Variants in AMBRA1 observed in about 807,000 individuals in gnomAD.
The protein encoded by AMBRA1 is autophagy and beclin 1 regulator 1, also known as activating molecule in BECN1-regulated autophagy protein 1.
Under a neutral mutation model 125.4 loss-of-function variants are expected in AMBRA1, and 47 were observed. The ratio of observed to expected loss-of-function variants is 0.37; its 90% CI spans 0.30 to 0.48. AMBRA1 has a LOEUF of 0.48. AMBRA1 is among the 20% of genes least tolerant of loss of function. The probability of loss-of-function intolerance (pLI) is 0.99; values close to 1 mark genes in which losing one functional copy is unlikely to be tolerated. For synonymous variants in AMBRA1, 626 were observed against 655.5 expected (o/e 0.95, Z 0.69); for missense variants, 1,331 against 1,693.4 (o/e 0.79, Z 3.76).
intron 1 of AMBRA1, among the ~76,000 whole-genome samples, chr11:46,555,482 T>C (rs944783855): frequency 3.9e-5 from 6 of 152,296 alleles, no homozygotes; most frequent in African/African-American, 1.2e-4. Flanking sequence ...GCTGTGGAAA[T>C]ATGAATCTTG....
chr11:46,444,355 A>AT (rs1254071474), intron 11 of AMBRA1, among the ~76,000 whole-genome samples: 2 of 152,088 alleles, frequency 1.3e-5, no homozygotes, highest in Non-Finnish European at 2.9e-5. Context: ...TCTGTATGAC[A>AT]TTTTTTTCCT....
At chr11:46,570,926 G>A (rs923373736) in intron 1 of AMBRA1, among the ~76,000 whole-genome samples, 1 of 152,066 alleles carries the variant, frequency 6.6e-6, no homozygotes, top group Non-Finnish European at 1.5e-5. Flanking sequence ...AAAAATAAAT[G>A]AACAAAAAAG....
chr11:46,466,127 T>G, intron 11 of AMBRA1, among the ~76,000 whole-genome samples: 1 of 152,214 alleles, frequency 6.6e-6, no homozygotes, highest in East Asian at 1.9e-4. Flanking sequence ...GGTAGTAAGA[T>G]GTACTTCTTG....
intron 11 of AMBRA1, among the ~76,000 whole-genome samples, chr11:46,462,906 A>C (rs1254420144): frequency 6.6e-6 from 1 of 152,030 alleles, no homozygotes; most frequent in Non-Finnish European, 1.5e-5. Context: ...GGCGTGCACC[A>C]CCATGTCTGG....
chr11:46,441,356 A>G (rs1391057277), intron 12 of AMBRA1, among the ~76,000 whole-genome samples: 3 of 152,138 alleles, frequency 2.0e-5, no homozygotes, highest in Non-Finnish European at 4.4e-5. Context: ...TCTGCTAAAA[A>G]TACAAAAATT....
intron 15 of AMBRA1, among the ~76,000 whole-genome samples, chr11:46,413,832 G>A (rs1946408723): frequency 6.6e-6 from 1 of 152,246 alleles, no homozygotes; most frequent in Admixed American, 6.5e-5. Context: ...CTGACTGTCT[G>A]TGAGCTAAAG....
chr11:46,473,862 C>T (rs1487329949), intron 11 of AMBRA1, among the ~76,000 whole-genome samples: 2 of 152,184 alleles, frequency 1.3e-5, no homozygotes, highest in African/African-American at 2.4e-5. Flanking sequence ...GTGTTAGCCA[C>T]GATGGTCTCG....
Position 46,548,470 on chromosome 11 carries a change from A to G in AMBRA1, c.-90T>C, listed in dbSNP as rs753897411. ...ACTGAAGCAGCTAAAATGAGGCCAT[A>G]CAGGTCCTTGTAAGTTGTCCTCATG... On this transcript the variant is annotated 5_prime_UTR_variant, in exon 2 of 18. Transcript: ENST00000683756. The G allele has an allele frequency of 2.6e-6, 4 of 1,521,800 alleles. No homozygotes were observed. Among genetic ancestry groups the G allele is most frequent in the Non-Finnish European group, 3.6e-6 (4 of 1,124,256 alleles). The allele number at this position is 1,521,800 out of a possible 1,614,324, so 94.3% of individuals were successfully genotyped here.
intron 14 of AMBRA1, chr11:46,428,562 G>C: frequency 8.7e-7 from 1 of 1,149,512 alleles, no homozygotes; most frequent in Non-Finnish European, 1.3e-6. Context: ...TAGGCAATGA[G>C]GATCTTTTCC....
At chr11:46,558,548 C>CAAA (rs58748629) in intron 1 of AMBRA1, among the ~76,000 whole-genome samples, 3 of 38,730 alleles carry the variant, frequency 7.7e-5, no homozygotes, top group Non-Finnish European at 1.6e-4. Flanking sequence ...GACTCCCTCT[C>CAAA]AAAAAAAAAA....
intron 7 of AMBRA1, among the ~76,000 whole-genome samples, chr11:46,515,452 G>A (rs1488227429): frequency 6.6e-6 from 1 of 151,908 alleles, no homozygotes; most frequent in Non-Finnish European, 1.5e-5. Flanking sequence ...CAGACTGGGT[G>A]ACAGAGTGAG....
chr11:46,401,728 T>C (rs1237566144), intron 17 of AMBRA1, among the ~76,000 whole-genome samples: 1 of 152,234 alleles, frequency 6.6e-6, no homozygotes, highest in Non-Finnish European at 1.5e-5. Flanking sequence ...TCTCTATGGC[T>C]ATGACTGTGT....
rs571699664 is a variant in AMBRA1 at position 46,486,666 on chromosome 11, G to A, written c.2521+6942C>T. ...CACACCTGTAATCCTAGCACTTTGGGAGGCCAAGGTGGGCGGATGACCTGA... is the reference window on the plus strand; with the variant it reads ...CACACCTGTAATCCTAGCACTTTGGAAGGCCAAGGTGGGCGGATGACCTGA... On this transcript the variant is annotated intron_variant, in intron 11 of 17. Coordinates refer to ENST00000683756, the MANE Select transcript of AMBRA1 (RefSeq NM_001387011.1). 2.6e-5 allele frequency among the ~76,000 whole-genome samples: 4 copies of A among 152,270 alleles called. No individual in the cohort carries two copies. In the South Asian group the frequency reaches 8.3e-4, roughly 32 times the overall value.
intron 11 of AMBRA1, among the ~76,000 whole-genome samples, chr11:46,451,080 A>AT (rs1415992324): frequency 6.6e-6 from 1 of 152,266 alleles, no homozygotes; most frequent in African/African-American, 2.4e-5. Flanking sequence ...GCAGCTGTTC[A>AT]TAAGGACAAT....
chr11:46,435,079 A>G (rs1396222770), intron 12 of AMBRA1, 42 bp from the exon 13 acceptor site: 1 of 1,510,686 alleles, frequency 6.6e-7, no homozygotes, highest in South Asian at 1.3e-5. Flanking sequence ...GAAACTTTGG[A>G]GTTGATACTG....
At chr11:46,497,979 G>C (rs1039069895) in intron 9 of AMBRA1, among the ~76,000 whole-genome samples, 2 of 152,184 alleles carry the variant, frequency 1.3e-5, no homozygotes, top group Non-Finnish European at 2.9e-5. Context: ...GGAATTAAAA[G>C]TACTTAAAAT....
At chr11:46,564,454 A>G (rs1205128863) in intron 1 of AMBRA1, among the ~76,000 whole-genome samples, 1 of 152,186 alleles carries the variant, frequency 6.6e-6, no homozygotes, top group Non-Finnish European at 1.5e-5. Context: ...CCAGGCATAA[A>G]GAGGCTAAAT....
Position 46,566,420 on chromosome 11 carries a change from GA to G in AMBRA1, c.-120-17921del, listed in dbSNP as rs1016807453. 5.9e-3 allele frequency among the ~76,000 whole-genome samples: 784 copies of G among 132,832 alleles called. 6 individuals are homozygous for G. Among genetic ancestry groups the G allele is most frequent in the African/African-American group, 0.019 (682 of 36,250 alleles). 87.1% of individuals were successfully genotyped at this position (132,832 alleles called of 152,430 possible). On this transcript the variant is annotated intron_variant, in intron 1 of 17. Transcript: ENST00000683756. ...GTGACACAGCGAGACTACATCTCAA[GA>G]AAAAAAAAAAAGAGTGGAGCTATTG...
At chr11:46,442,894 G>A (rs546211991) in intron 12 of AMBRA1, among the ~76,000 whole-genome samples, 25 of 152,254 alleles carry the variant, frequency 1.6e-4, no homozygotes, top group Non-Finnish European at 2.6e-4. Context: ...GCTAGTTTTT[G>A]TATTTTTAGT....
Sources: allele counts gnomAD v4.1 joint callset (sites outside exome capture counted in the v4.1 genomes callset), GRCh38; gene constraint gnomAD v4.1.1; transcripts MANE v1.5; gene names NCBI Gene and HGNC (gene_info 2026-07-23, HGNC 2026-07-21).